CCR3: variants seen among roughly 807,000 people sequenced by gnomAD.
The protein encoded by CCR3 is C-C chemokine receptor type 3.
For synonymous variants in CCR3, 203 were observed against 179.2 expected, an observed-to-expected ratio of 1.13 and a Z score of -1.06; for missense variants, 419 against 437.5, an observed-to-expected ratio of 0.96 and a Z score of 0.38.
intron 2 of CCR3, among the ~76,000 whole-genome samples, chr3:46,234,333 A>T (rs1327458494): frequency 6.6e-6 from 1 of 152,086 alleles, no homozygotes; most frequent in African/African-American, 2.4e-5. Context: ...TGGTTTAATC[A>T]ATGGGTAGTT....
At chr3:46,249,204 A>G (rs1331537649) in intron 1 of CCR3, among the ~76,000 whole-genome samples, 1 of 152,110 alleles carries the variant, frequency 6.6e-6, no homozygotes, top group Non-Finnish European at 1.5e-5. Flanking sequence ...TGGATTGGGA[A>G]GAAGGGCAGC....
chr3:46,236,609 T>C (rs1700027817), intron 2 of CCR3, among the ~76,000 whole-genome samples: 1 of 152,256 alleles, frequency 6.6e-6, no homozygotes, highest in African/African-American at 2.4e-5. Context: ...CCAGTTCCTC[T>C]AATTCTTCTC....
intron 1 of CCR3, among the ~76,000 whole-genome samples, chr3:46,262,260 T>C (rs200116760): frequency 6.6e-6 from 1 of 152,256 alleles, no homozygotes; most frequent in Non-Finnish European, 1.5e-5. Flanking sequence ...TTTCCTGCTA[T>C]CCAGCAGATG....
intron 1 of CCR3, chr3:46,264,749 A>G (rs1443602688): frequency 5.0e-6 from 2 of 396,824 alleles, no homozygotes; most frequent in Non-Finnish European, 8.9e-6. Flanking sequence ...TTTAAGGTAT[A>G]TGTAAACTGT....
chr3:46,229,190 C>A (rs1388596464), intron 2 of CCR3, among the ~76,000 whole-genome samples: 2 of 152,170 alleles, frequency 1.3e-5, no homozygotes, highest in African/African-American at 4.8e-5. Context: ...CATGAACATT[C>A]TTTCATACTG....
chr3:46,212,140 T>C (rs983912728), intron 2 of CCR3, among the ~76,000 whole-genome samples: 2 of 152,206 alleles, frequency 1.3e-5, no homozygotes, highest in African/African-American at 4.8e-5. Context: ...AGAAACCTTA[T>C]GTTCTGATTT....
intron 1 of CCR3, among the ~76,000 whole-genome samples, chr3:46,249,697 A>G (rs1700268503): frequency 6.6e-6 from 1 of 152,106 alleles, no homozygotes; most frequent in Non-Finnish European, 1.5e-5. Context: ...AGATGGGGGA[A>G]TCCTGGGCTG....
chr3:46,257,904 T>C (rs986428324), intron 1 of CCR3, among the ~76,000 whole-genome samples: 4 of 152,144 alleles, frequency 2.6e-5, no homozygotes, highest in African/African-American at 9.7e-5. Context: ...GCCACTGAGT[T>C]GGGGGAGGTG....
intron 2 of CCR3, among the ~76,000 whole-genome samples, chr3:46,211,877 CT>C (rs1243989752): frequency 6.6e-5 from 10 of 152,138 alleles, no homozygotes; most frequent in Admixed American, 6.5e-4. Context: ...ACTATAGCCT[CT>C]CGATGTGGTG....
chr3:46,215,069 A>G (rs1381047964), intron 2 of CCR3, among the ~76,000 whole-genome samples: 3 of 152,078 alleles, frequency 2.0e-5, no homozygotes, highest in Non-Finnish European at 4.4e-5. Context: ...TTGTGGTTTG[A>G]GGCTGGCAGG....
chr3:46,256,874 G>A (rs541912476), intron 1 of CCR3, among the ~76,000 whole-genome samples: 2 of 152,136 alleles, frequency 1.3e-5, no homozygotes, highest in South Asian at 2.1e-4. Flanking sequence ...CCAAGACCTC[G>A]AGAAATTGTA....
chr3:46,247,842 G>C (rs1700227013), intron 1 of CCR3, among the ~76,000 whole-genome samples: 1 of 152,136 alleles, frequency 6.6e-6, no homozygotes, highest in Non-Finnish European at 1.5e-5. Flanking sequence ...CCTCGAGCTT[G>C]ATGTGTAGGG....
intron 1 of CCR3, among the ~76,000 whole-genome samples, chr3:46,255,989 A>G (rs1265130657): frequency 6.6e-6 from 1 of 152,026 alleles, no homozygotes; most frequent in African/African-American, 2.4e-5. Flanking sequence ...TGTTTTTTGC[A>G]GTATGGTCAT....
intron 2 of CCR3, among the ~76,000 whole-genome samples, chr3:46,230,093 T>C (rs992430048): frequency 1.3e-5 from 2 of 151,968 alleles, no homozygotes; most frequent in East Asian, 3.9e-4. Context: ...GATAGAATCA[T>C]AGGTGCAAGC....
chr3:46,213,300 T>C (rs13092160), intron 2 of CCR3, among the ~76,000 whole-genome samples: 15,179 of 152,226 alleles, frequency 0.1, 904 homozygotes, highest in South Asian at 0.27. Flanking sequence ...GCTGCTCATC[T>C]TCCAATCAGC....
chr3:46,212,688 G>T (rs1214547914), intron 2 of CCR3, among the ~76,000 whole-genome samples: 1 of 151,996 alleles, frequency 6.6e-6, no homozygotes, highest in African/African-American at 2.4e-5. Flanking sequence ...GGAGAAAGGG[G>T]CCAAGACTTC....
intron 2 of CCR3, among the ~76,000 whole-genome samples, chr3:46,223,800 G>A (rs939247087): frequency 2.0e-5 from 3 of 152,174 alleles, no homozygotes; most frequent in Non-Finnish European, 4.4e-5. Flanking sequence ...TAGATCCCAT[G>A]GCTTGCCTGA....
intron 1 of CCR3, among the ~76,000 whole-genome samples, chr3:46,245,116 A>C (rs1700165254): frequency 6.6e-6 from 1 of 152,150 alleles, no homozygotes; most frequent in South Asian, 2.1e-4. Context: ...TAACTTTTGC[A>C]TTAGTAACTA....
intron 1 of CCR3, among the ~76,000 whole-genome samples, chr3:46,257,427 CTTT>C (rs34426861): frequency 8.9e-4 from 93 of 103,936 alleles, no homozygotes; most frequent in African/African-American, 2.7e-3. Flanking sequence ...TTGTCCCAGG[CTTT>C]TTTTTTTTTT....
Sources: allele counts gnomAD v4.1 joint callset (sites outside exome capture counted in the v4.1 genomes callset), GRCh38; gene constraint gnomAD v4.1.1; transcripts MANE v1.5; gene names NCBI Gene and HGNC (gene_info 2026-07-23, HGNC 2026-07-21).